The following PTPRT variants were observed in gnomAD, a reference collection of about 807,000 sequenced individuals.
The protein encoded by PTPRT is receptor-type tyrosine-protein phosphatase T.
PTPRT carries 56 observed loss-of-function variants against 176.8 expected under a neutral mutation model. The ratio of observed to expected loss-of-function variants is 0.32; its 90% CI spans 0.26 to 0.40. The LOEUF (loss-of-function observed/expected upper bound fraction) is 0.40. Among genes scored for constraint, PTPRT ranks in the 10% least tolerant of loss-of-function variants. PTPRT has a pLI of 1.00. For missense variants in PTPRT, 1,540 were observed against 1,908.2 expected (o/e 0.81, Z 3.60); for synonymous variants, 783 against 739.0 (o/e 1.06, Z -0.96).
At chr20:42,750,236 T>C (rs1379656586) in intron 6 of PTPRT, among the ~76,000 whole-genome samples, 2 of 152,170 alleles carry the variant, frequency 1.3e-5, no homozygotes, top group East Asian at 1.9e-4. Flanking sequence ...CATTCCTTAA[T>C]AGTAATGTAA....
intron 7 of PTPRT, among the ~76,000 whole-genome samples, chr20:42,564,751 G>A (rs1601279448): frequency 6.6e-6 from 1 of 152,020 alleles, no homozygotes; most frequent in East Asian, 1.9e-4. Flanking sequence ...AGAACTTAAA[G>A]CAAAATAAAA....
intron 8 of PTPRT, among the ~76,000 whole-genome samples, chr20:42,453,837 A>ATT (rs11482073): frequency 0.011 from 1,569 of 141,052 alleles, 19 homozygotes; most frequent in African/African-American, 0.017. Context: ...CGCCCGGCTA[A>ATT]TTTTTTTTTT....
chr20:42,213,125 A>T (rs960704357), intron 15 of PTPRT, among the ~76,000 whole-genome samples: 2 of 152,122 alleles, frequency 1.3e-5, no homozygotes, highest in African/African-American at 4.8e-5. Context: ...TCACCTGGGG[A>T]TGTATTAGCA....
At chr20:43,011,728 G>A (rs556788086) in intron 1 of PTPRT, among the ~76,000 whole-genome samples, 3 of 152,302 alleles carry the variant, frequency 2.0e-5, no homozygotes, top group Non-Finnish European at 2.9e-5. Flanking sequence ...GGTTAATACC[G>A]AGTGTCAACT....
At chr20:42,683,332 C>T (rs1158838009) in intron 6 of PTPRT, among the ~76,000 whole-genome samples, 5 of 140,792 alleles carry the variant, frequency 3.6e-5, no homozygotes, top group South Asian at 2.2e-4. Context: ...GGCTGGAGTG[C>T]AGTGGTGCAA....
rs185383304 is a variant in PTPRT at position 42,898,922 on chromosome 20, G to C, written c.89-12990C>G. Reference sequence around the variant, plus strand: ...GTTGAAACGAGTGAAGATGCTTCAAGTTGGAGGCCAGCTGGAGAGTCCAAC... The same window carrying C: ...GTTGAAACGAGTGAAGATGCTTCAACTTGGAGGCCAGCTGGAGAGTCCAAC... On this transcript the variant is annotated intron_variant, in intron 1 of 30. Coordinates refer to ENST00000373187, the MANE Select transcript of PTPRT (RefSeq NM_007050.6). 4.6e-3 allele frequency among the ~76,000 whole-genome samples: 696 copies of C among 152,336 alleles called. 6 individuals are homozygous for C. Among genetic ancestry groups the C allele is most frequent in the African/African-American group, 0.016 (674 of 41,590 alleles).
intron 23 of PTPRT, among the ~76,000 whole-genome samples, chr20:42,108,878 G>C (rs901071309): frequency 1.3e-5 from 2 of 152,232 alleles, no homozygotes; most frequent in Non-Finnish European, 2.9e-5. Context: ...CTGCTAAGGA[G>C]ACACATACCG....
At chr20:42,850,483 T>C (rs1005769227) in intron 2 of PTPRT, among the ~76,000 whole-genome samples, 2 of 152,242 alleles carry the variant, frequency 1.3e-5, no homozygotes, top group African/African-American at 2.4e-5. Flanking sequence ...GCTGGATATG[T>C]AAGGATGGAG....
chr20:42,340,662 A>C lies in PTPRT; in HGVS notation c.1865+9966T>G, dbSNP rs545423840. On this transcript the variant is annotated intron_variant, in intron 11 of 30. Transcript: ENST00000373187. ...CAGAGCCATGCTCTAACTCAGAAGA[A>C]CATCAATAGATCAGGCTATAGAAAT... Among the ~76,000 whole-genome samples the C allele has an allele frequency of 5.9e-5, 9 of 152,328 alleles. No individual in the cohort carries two copies. The South Asian group carries it at 1.9e-3, about 32-fold the overall frequency.
chr20:43,119,359 T>A (rs1276428240), intron 1 of PTPRT, among the ~76,000 whole-genome samples: 1 of 152,250 alleles, frequency 6.6e-6, no homozygotes, highest in Non-Finnish European at 1.5e-5. Flanking sequence ...ATCTGATAAG[T>A]ATGTCTTTAA....
intron 1 of PTPRT, among the ~76,000 whole-genome samples, chr20:42,926,115 T>C (rs144375808): frequency 6.6e-6 from 1 of 152,338 alleles, no homozygotes; most frequent in Non-Finnish European, 1.5e-5. Flanking sequence ...GGCCAGCCTG[T>C]GGGTCTGACC....
intron 1 of PTPRT, among the ~76,000 whole-genome samples, chr20:43,026,038 C>A (rs1381565281): frequency 6.6e-6 from 1 of 151,988 alleles, no homozygotes; most frequent in Admixed American, 6.6e-5. Context: ...TGAATTGTGG[C>A]CCCCCCTCCA....
At chr20:43,031,757 A>C (rs1246275933) in intron 1 of PTPRT, among the ~76,000 whole-genome samples, 1 of 152,210 alleles carries the variant, frequency 6.6e-6, no homozygotes, top group African/African-American at 2.4e-5. Flanking sequence ...ACCACAGGGA[A>C]GACCAACCAA....
At chr20:42,510,229 C>T (rs371895203) in intron 7 of PTPRT, among the ~76,000 whole-genome samples, 13 of 152,160 alleles carry the variant, frequency 8.5e-5, no homozygotes, top group African/African-American at 3.1e-4. Context: ...TACCTAACCC[C>T]CCTTGAAAAT....
intron 4 of PTPRT, among the ~76,000 whole-genome samples, chr20:42,773,128 T>C (rs2077087208): frequency 6.6e-6 from 1 of 152,238 alleles, no homozygotes; most frequent in Non-Finnish European, 1.5e-5. Context: ...CAGTCAGGGC[T>C]GTGCTGATGG....
chr20:42,999,134 A>G (rs1247580681), intron 1 of PTPRT, among the ~76,000 whole-genome samples: 2 of 152,232 alleles, frequency 1.3e-5, no homozygotes, highest in Non-Finnish European at 2.9e-5. Context: ...AGTACTGTGC[A>G]GCCATTAAAA....
chr20:42,101,665 T>C (rs1315017167), intron 26 of PTPRT, among the ~76,000 whole-genome samples: 1 of 152,208 alleles, frequency 6.6e-6, no homozygotes, highest in Non-Finnish European at 1.5e-5. Context: ...CTGTGCGCCA[T>C]CCTCATTTTT....
chr20:42,478,017 C>T lies in PTPRT; in HGVS notation c.1154-5455G>A, dbSNP rs56262497. On this transcript the variant is annotated intron_variant, in intron 7 of 30. Coordinates refer to ENST00000373187, the MANE Select transcript of PTPRT (RefSeq NM_007050.6). ...GTCCAGGCTCCACATTTATGACCCC[C>T]TAGAATTCCCTGCCACGAGGCCCTA... 6.2e-3 allele frequency among the ~76,000 whole-genome samples: 948 copies of T among 151,956 alleles called. 10 individuals carry two copies. The highest frequency in any genetic ancestry group is 0.019 in the African/African-American group (801 of 41,454).
At chr20:43,054,638 C>T (rs1321142178) in intron 1 of PTPRT, among the ~76,000 whole-genome samples, 1 of 150,944 alleles carries the variant, frequency 6.6e-6, no homozygotes, top group African/African-American at 2.4e-5. Context: ...AGGCTTTTTC[C>T]TTCATTTCTA....
Sources: gnomAD v4.1 joint callset for allele counts (sites outside exome capture counted in the v4.1 genomes callset) on GRCh38, gnomAD v4.1.1 for gene constraint, MANE v1.5 for transcripts, NCBI Gene and HGNC (gene_info 2026-07-23, HGNC 2026-07-21) for gene names.